The following RETREG3 variants were observed in gnomAD, a reference collection of about 807,000 sequenced individuals.
RETREG3 encodes the protein reticulophagy regulator 3.
A neutral mutation model predicts 50.2 loss-of-function variants in RETREG3; 23 were observed. That is an observed-to-expected ratio of 0.46 (90% confidence interval 0.33 to 0.65). The LOEUF (loss-of-function observed/expected upper bound fraction) is 0.65, where lower values mean the gene tolerates loss of function less well. Ranked by LOEUF, RETREG3 falls within the 30% of genes least tolerant of loss-of-function variation. RETREG3 has a pLI of 0.02. For synonymous variants in RETREG3, 240 were observed against 234.4 expected, an observed-to-expected ratio of 1.02 and a Z score of -0.22; for missense variants, 546 against 598.0, an observed-to-expected ratio of 0.91 and a Z score of 0.91.
intron 1 of RETREG3, among the ~76,000 whole-genome samples, chr17:42,604,694 CAAAAAAAAAAAAAA>C (rs1007735904): frequency 1.3e-4 from 6 of 44,518 alleles, no homozygotes; most frequent in Non-Finnish European, 2.3e-4. Context: ...GATTCCCCAG[CAAAAAAAAAAAAAA>C]AAAAAAAAAA....
chr17:42,595,632 T>G (rs1450477846), intron 1 of RETREG3, among the ~76,000 whole-genome samples: 1 of 149,864 alleles, frequency 6.7e-6, no homozygotes, highest in Non-Finnish European at 1.5e-5. Context: ...AACTCAGAAA[T>G]CCAGTCACCA....
Position 42,592,103 on chromosome 17 carries a change from A to G in RETREG3, c.299T>C (p.Ile100Thr). 5 of 1,614,082 alleles carry G rather than the reference A, an allele frequency of 3.1e-6. No individual in the cohort carries two copies. The highest frequency in any genetic ancestry group is 4.2e-6 in the Non-Finnish European group (5 of 1,179,996). ...VFLLAFGLMI[I>T]VCIDQWKNKI... ...GTTCTTCCATTGATCAATACACACA[A>G]TGATCATCAAGCCAAATGCAAGTAA... The change falls in exon 2 of 9, where the codon ATT (isoleucine) becomes ACT (threonine). Residue 100 changes from isoleucine to threonine, a missense_variant. By Grantham distance (89) the Ile-to-Thr change is moderately conservative. Coordinates refer to ENST00000309428, the MANE Select transcript of RETREG3 (RefSeq NM_178126.4).
chr17:42,587,651 G>C (rs1374550630), intron 3 of RETREG3, 183 bp downstream of exon 3: 1 of 652,196 alleles, frequency 1.5e-6, no homozygotes, highest in Non-Finnish European at 2.7e-6. Flanking sequence ...AAAGATCAGA[G>C]GACACAGGCC....
chr17:42,595,902 GAA>G (rs113866021), intron 1 of RETREG3, among the ~76,000 whole-genome samples: 2 of 137,870 alleles, frequency 1.5e-5, no homozygotes, highest in African/African-American at 5.3e-5. Flanking sequence ...CCCTGTCTAA[GAA>G]AAAAAAAAAA....
At position 42,588,067 on chromosome 17, in the gene RETREG3, G is replaced by A. The variant is rs8069366; in HGVS notation, c.347-203C>T. Among the ~76,000 whole-genome samples the A allele has an allele frequency of 3.2e-3, 486 of 152,234 alleles. 5 individuals are homozygous for A. The highest frequency in any genetic ancestry group is 0.011 in the African/African-American group (468 of 41,546). On this transcript the variant is annotated intron_variant, in intron 2 of 8. Transcript: ENST00000309428. ...AATCACTTATGCCTACTCATTTTTC[G>A]AGGGGAAGGAAGGGAGGTCCAAATG... is the stretch of plus-strand genomic sequence containing the variant.
chr17:42,597,191 CTTTT>C (rs35711566), intron 1 of RETREG3, among the ~76,000 whole-genome samples: 1 of 130,044 alleles, frequency 7.7e-6, no homozygotes, highest in Non-Finnish European at 1.6e-5. Context: ...TCTATTTTTT[CTTTT>C]TTTTTTTTTT....
chr17:42,582,390 G>A, intron 8 of RETREG3, 120 bp from the exon 9 acceptor site: 2 of 978,782 alleles, frequency 2.0e-6, no homozygotes, highest in Non-Finnish European at 3.0e-6. Flanking sequence ...CCATGGGACT[G>A]GTATACCTTT....
At chr17:42,587,925 A>G in intron 2 of RETREG3, 61 bp from the exon 3 acceptor site, 1 of 1,594,458 alleles carries the variant, frequency 6.3e-7, no homozygotes, top group Non-Finnish European at 8.6e-7. Context: ...TGAAAATGTT[A>G]GGCTGTTGGT....
intron 1 of RETREG3, among the ~76,000 whole-genome samples, chr17:42,599,600 G>A (rs916994210): frequency 2.0e-5 from 3 of 150,184 alleles, no homozygotes; most frequent in African/African-American, 7.4e-5. Context: ...GTTGCAGTGA[G>A]CTGAGATTGT....
Position 42,585,955 on chromosome 17 carries a change from T to C in RETREG3, c.589+98A>G, listed in dbSNP as rs1362274517. The stretch of plus-strand genomic sequence containing the variant: ...TATGCAAAGGTCATATCCTAGAGAA[T>C]TGAAATATAACAGTCCTCTCCCCAC... On this transcript the variant is annotated intron_variant, in intron 5 of 8. Transcript: ENST00000309428. 9 of 1,095,640 alleles carry C rather than the reference T, an allele frequency of 8.2e-6. No individual in the cohort carries two copies. The East Asian group carries it at 1.4e-4, about 17-fold the overall frequency. The allele number at this position is 1,095,640 out of a possible 1,614,324, so 67.9% of individuals were successfully genotyped here. A position where few individuals can be genotyped will look rare whatever the true frequency, so the allele number is the denominator to read the frequency against.
intron 1 of RETREG3, chr17:42,608,761 CT>C (rs2093173236): frequency 3.3e-6 from 1 of 302,290 alleles, no homozygotes; most frequent in African/African-American, 2.2e-5. Context: ...GAAGTGATGG[CT>C]TTAAAGGGAC....
At chr17:42,604,371 T>C (rs142403563) in intron 1 of RETREG3, among the ~76,000 whole-genome samples, 2 of 152,128 alleles carry the variant, frequency 1.3e-5, no homozygotes, top group East Asian at 3.9e-4. Context: ...TCACAGATTG[T>C]TAAAAACCAC....
At chr17:42,608,484 G>A (rs775293341) in intron 1 of RETREG3, among the ~76,000 whole-genome samples, 6 of 152,184 alleles carry the variant, frequency 3.9e-5, no homozygotes, top group Admixed American at 1.3e-4. Context: ...TTTGACACGC[G>A]TGTAATCTCC....
At chr17:42,608,751 G>A (rs924389036) in intron 1 of RETREG3, 10 of 271,864 alleles carry the variant, frequency 3.7e-5, no homozygotes, top group African/African-American at 1.8e-4. Context: ...CAAGAGAAAG[G>A]AAGTGATGGC....
intron 2 of RETREG3, 139 bp from the exon 3 acceptor site, chr17:42,588,003 G>A: frequency 1.1e-6 from 1 of 891,528 alleles, no homozygotes; most frequent in Non-Finnish European, 1.8e-6. Flanking sequence ...AGGAGACACT[G>A]TGTTATACTG....
chr17:42,599,035 G>GCTC (rs2093153486), intron 1 of RETREG3: 1 of 152,028 alleles, frequency 6.6e-6, no homozygotes, highest in Non-Finnish European at 1.5e-5. Context: ...GTTTCTATTT[G>GCTC]TGTTAGTAAT....
rs1030924467 is a variant in RETREG3, at chr17:42,609,245, C to A, written c.80G>T (p.Gly27Val). Residue 27 changes from glycine to valine, a missense_variant, in exon 1 of 9, where the codon GGC becomes GTC. By Grantham distance (109) the Gly-to-Val change is moderately radical. Coordinates refer to ENST00000309428, the MANE Select transcript of RETREG3 (RefSeq NM_178126.4). ...AACCTGCTGGTCCCGCTCCCAGGAG[C>A]CTGACACATCTCGGCGGCCCCTGAA... Reference protein sequence around the residue: ...STFRGRRDVSGSWERDQQVEA... With the variant: ...STFRGRRDVSVSWERDQQVEA... 1 of 1,607,680 alleles carries A rather than the reference C, an allele frequency of 6.2e-7. No individual in the cohort carries two copies. Among genetic ancestry groups the A allele is most frequent in the Non-Finnish European group, 8.5e-7 (1 of 1,179,844 alleles).
chr17:42,598,106 C>T (rs373300925), intron 1 of RETREG3, among the ~76,000 whole-genome samples: 2 of 151,338 alleles, frequency 1.3e-5, no homozygotes, highest in African/African-American at 2.4e-5. Context: ...CTCAGCCTCC[C>T]GAGTAGCTGG....
At position 42,591,974 on chromosome 17, in the gene RETREG3, T is replaced by C. The variant is rs527758388; in HGVS notation, c.346+82A>G. On this transcript the variant is annotated intron_variant, in intron 2 of 8. Transcript: ENST00000309428. ...ACAGTCCCCAGCTCCATACACCTCC[T>C]CATAAACCCCTAATACTAAAGGTAC... 3 of 1,229,542 alleles carry C rather than the reference T, an allele frequency of 2.4e-6. No individual in the cohort carries two copies. In the East Asian group the frequency reaches 7.1e-5, roughly 29 times the overall value. The allele number at this position is 1,229,542 out of a possible 1,614,324, so 76.2% of individuals were successfully genotyped here.
Sources: gnomAD v4.1 joint callset for allele counts (sites outside exome capture counted in the v4.1 genomes callset) on GRCh38, gnomAD v4.1.1 for gene constraint, MANE v1.5 for transcripts, NCBI Gene and HGNC (gene_info 2026-07-23, HGNC 2026-07-21) for gene names.